MAN2C1: variants seen among roughly 807,000 people sequenced by gnomAD.
MAN2C1 encodes the protein mannosidase alpha class 2C member 1.
Under a neutral mutation model 126.9 loss-of-function variants are expected in MAN2C1, and 111 were observed. That is an observed-to-expected ratio of 0.87 (90% CI 0.75 to 1.02). The LOEUF (loss-of-function observed/expected upper bound fraction) is 1.02. MAN2C1 is among the 50% of genes least tolerant of loss of function. The probability of loss-of-function intolerance (pLI) is 0.00; values close to 1 mark genes in which losing one functional copy is unlikely to be tolerated. For missense variants in MAN2C1, 1,363 were observed against 1,364.4 expected (o/e 1.00, Z 0.02); for synonymous variants, 567 against 561.5 (o/e 1.01, Z -0.14).
At position 75,355,906 on chromosome 15, in the gene MAN2C1, TCA is replaced by T; in HGVS notation, c.3121_3122del (p.Ter1041SerfsTer23). 6.2e-7 allele frequency: 1 copy of T among 1,614,142 alleles called. No homozygotes were observed. Among genetic ancestry groups the T allele is most frequent in the Non-Finnish European group, 8.5e-7 (1 of 1,180,020 alleles). On this transcript the variant is annotated frameshift_variant and stop_lost, in exon 26 of 26. Transcript: ENST00000267978. LOFTEE classifies it high-confidence loss of function. ...LLLVLQPPPH[*>X] ...CAAACAAAACCCCAGCCCCAGGGAC[TCA>T]GTGTGGCGGAGGCTGAAGCACGAGC...
chr15:75,356,722 C>T lies in MAN2C1; in HGVS notation c.2658-37G>A, dbSNP rs779594132. On this transcript the variant is annotated intron_variant, in intron 22 of 25. Coordinates refer to ENST00000267978, the MANE Select transcript of MAN2C1 (RefSeq NM_006715.4). The surrounding 1 kb of genome is among the most constrained non-coding windows in gnomAD (Gnocchi z 5.8). ...AGGGCGCGTAGGGGCCACGCTGAAG[C>T]TGTTGGAGTTGTGGTCGGGAAGACC... 1 of 1,612,246 alleles carries T rather than the reference C, an allele frequency of 6.2e-7. No individual in the cohort carries two copies. The highest frequency in any genetic ancestry group is 8.5e-7 in the Non-Finnish European group (1 of 1,178,976).
At chr15:75,366,233 G>A (rs748650250) in intron 4 of MAN2C1, among the ~76,000 whole-genome samples, 1 of 152,222 alleles carries the variant, frequency 6.6e-6, no homozygotes, top group Non-Finnish European at 1.5e-5. Flanking sequence ...GTCTCACTCT[G>A]TTGCCCAGGC....
In MAN2C1 at chr15:75,361,168, G is replaced by A. The variant is rs764523201; in HGVS notation, c.1338C>T (p.Asn446=). ...VEEVLKTVAN[N]RDKGRANHSA... ...TGTGGTTGGCCCGCCCCTTGTCCCGGTTGTTGGCCACGGTCTTCAGCACCT... is the reference window on the plus strand; with the variant it reads ...TGTGGTTGGCCCGCCCCTTGTCCCGATTGTTGGCCACGGTCTTCAGCACCT... Residue 446 remains asparagine (N), a synonymous_variant, in exon 12 of 26, where the codon AAC becomes AAT. Coordinates refer to ENST00000267978, the MANE Select transcript of MAN2C1 (RefSeq NM_006715.4). This position sits in a 1 kb window ranked among gnomAD's most constrained non-coding sequence, Gnocchi z 5.0. 1 of 1,613,132 alleles carries A rather than the reference G, an allele frequency of 6.2e-7. No homozygotes were observed. Among genetic ancestry groups the A allele is most frequent in the Non-Finnish European group, 8.5e-7 (1 of 1,179,726 alleles).
rs758363056 is a variant in MAN2C1 at position 75,368,117 on chromosome 15, C to T, written c.183G>A (p.Gln61=). ...PERLPYQEAV[Q]RDFRPAQVGD... is the part of the protein sequence containing the mutation. ...CGACCTGCGCGGGGCGGAAGTCCCG[C>T]TGGACTGCCTCCTGGTAGGGAAGTC... The change falls in exon 2 of 26, where the codon CAG becomes CAA. Residue 61 remains glutamine, a synonymous_variant. Coordinates refer to ENST00000267978, the MANE Select transcript of MAN2C1 (RefSeq NM_006715.4). 1 of 1,606,994 alleles carries T rather than the reference C, an allele frequency of 6.2e-7. No individual in the cohort carries two copies. The highest frequency in any genetic ancestry group is 1.3e-5 in the African/African-American group (1 of 74,858).
chr15:75,368,155 G>GGAA lies in MAN2C1; in HGVS notation c.142_144dup (p.Phe48dup), dbSNP rs2072621908. 1 of 1,604,452 alleles carries GGAA rather than the reference G, an allele frequency of 6.2e-7. No individual in the cohort carries two copies. Among genetic ancestry groups the GGAA allele is most frequent in the Non-Finnish European group, 8.5e-7 (1 of 1,177,072 alleles). On this transcript the variant is annotated inframe_insertion, in exon 2 of 26. Transcript: ENST00000267978. ...TGGTAGGGAAGTCTCTCCGGCGTCA[G>GGAA]GAAGCTGGAGAGCACAGCCACAGGG...
At chr15:75,368,313 C>T in intron 1 of MAN2C1, 115 bp from the exon 2 acceptor site, 1 of 1,482,508 alleles carries the variant, frequency 6.7e-7, no homozygotes, top group Non-Finnish European at 9.0e-7. Context: ...GGCTGCCTGG[C>T]CGCTCCGCGG....
chr15:75,357,145 T>C (rs2072340185), intron 21 of MAN2C1: 2 of 519,220 alleles, frequency 3.9e-6, no homozygotes, highest in Admixed American at 3.5e-5. Context: ...AAATTAAATG[T>C]AAAACTTTGT....
In MAN2C1 at chr15:75,356,697, AGGGCGCGTAGGGG is replaced by A; in HGVS notation, c.2658-25_2658-13del. ...TAGGCGCCCGCAAGCTGGGGTGAGG[AGGGCGCGTAGGGG>A]CCACGCTGAAGCTGTTGGAGTTGTG... On this transcript the variant is annotated splice_polypyrimidine_tract_variant and intron_variant, in intron 22 of 25. Coordinates refer to ENST00000267978, the MANE Select transcript of MAN2C1 (RefSeq NM_006715.4). This position sits in a 1 kb window ranked among gnomAD's most constrained non-coding sequence, Gnocchi z 5.8. The A allele has an allele frequency of 6.2e-7, 1 of 1,604,418 alleles. No individual in the cohort carries two copies. Among genetic ancestry groups the A allele is most frequent in the Non-Finnish European group, 8.5e-7 (1 of 1,175,884 alleles).
In MAN2C1 at chr15:75,365,948, G is replaced by A. The variant is rs116617743; in HGVS notation, c.422+574C>T. On this transcript the variant is annotated intron_variant, in intron 4 of 25. Coordinates refer to ENST00000267978, the MANE Select transcript of MAN2C1 (RefSeq NM_006715.4). ...AAAAATAAAAAAAAAATAGCTGGAC[G>A]TGGTGGCACACACCTGTAATCCCTG... The A allele has an allele frequency of 3.2e-3, 1,393 of 432,278 alleles. 23 individuals are homozygous for A. The highest frequency in any genetic ancestry group is 0.026 in the African/African-American group (1,254 of 47,964). 26.8% of individuals were successfully genotyped at this position (432,278 alleles called of 1,614,324 possible). A position where few individuals can be genotyped will look rare whatever the true frequency, so the allele number is the denominator to read the frequency against.
At position 75,362,476 on chromosome 15, in the gene MAN2C1, T is replaced by A; in HGVS notation, c.898-23A>T. On this transcript the variant is annotated intron_variant, in intron 7 of 25. Coordinates refer to ENST00000267978, the MANE Select transcript of MAN2C1 (RefSeq NM_006715.4). The surrounding 1 kb of genome is among the most constrained non-coding windows in gnomAD (Gnocchi z 4.5). ...CGCCTGTGGGCAGGTTGAAGGGAGC[T>A]GGGACCAGAGTGACAAGGGCCCCAC... 6.3e-7 allele frequency: 1 copy of A among 1,587,302 alleles called. No homozygotes were observed. The highest frequency in any genetic ancestry group is 8.6e-7 in the Non-Finnish European group (1 of 1,166,038).
At chr15:75,365,799 A>C in intron 4 of MAN2C1, 1 of 251,888 alleles carries the variant, frequency 4.0e-6, no homozygotes, top group Non-Finnish European at 8.1e-6. Flanking sequence ...GAACATGAAT[A>C]CTGGGCCAGG....
At chr15:75,367,775 G>T in intron 2 of MAN2C1, 141 bp from the exon 3 acceptor site, 1 of 1,111,498 alleles carries the variant, frequency 9.0e-7, no homozygotes, top group South Asian at 1.6e-5. Flanking sequence ...CACAAGAAAG[G>T]AGCAACAAGG....
intron 5 of MAN2C1, 135 bp from the exon 6 acceptor site, chr15:75,364,323 C>T (rs2141337397): frequency 5.7e-6 from 7 of 1,237,530 alleles, no homozygotes; most frequent in South Asian, 4.8e-5. Flanking sequence ...TGCTCAGCAC[C>T]GTCTCCCTCC....
rs1420589785 is a variant in MAN2C1 at position 75,361,353 on chromosome 15, T to A, written c.1247A>T (p.Asp416Val). The stretch of plus-strand genomic sequence containing the variant: ...GAAGTGGACCAGTACACGGGAGCCA[T>A]CCAGGCCCTCCCAGAAAAATGTATG... Reference protein sequence around the residue: ...PHHTFFWEGLDGSRVLVHFPP... With the variant: ...PHHTFFWEGLVGSRVLVHFPP... The change falls in exon 11 of 26, where the codon GAT (aspartate) becomes GTT (valine). Residue 416 changes from aspartate (D) to valine (V), a missense_variant. This residue lies in a region of MAN2C1 where 628 missense variants were observed against 609.8 expected (regional missense o/e 1.03). Coordinates refer to ENST00000267978, the MANE Select transcript of MAN2C1 (RefSeq NM_006715.4). The surrounding 1 kb of genome is among the most constrained non-coding windows in gnomAD (Gnocchi z 5.0). 1 of 1,565,276 alleles carries A rather than the reference T, an allele frequency of 6.4e-7. No individual in the cohort carries two copies. Among genetic ancestry groups the A allele is most frequent in the Non-Finnish European group, 8.7e-7 (1 of 1,154,340 alleles).
Position 75,368,057 on chromosome 15 carries a change from G to T in MAN2C1, c.227+16C>A. The T allele has an allele frequency of 6.3e-7, 1 of 1,597,872 alleles. No homozygotes were observed. Among genetic ancestry groups the T allele is most frequent in the Non-Finnish European group, 8.5e-7 (1 of 1,174,238 alleles). ...CCTAGGCCTGTGGCCCCGCCCACCC[G>T]CTGGGCGTTACCTACGTGGGTCCGA... On this transcript the variant is annotated intron_variant, in intron 2 of 25. Transcript: ENST00000267978.
In MAN2C1 at chr15:75,361,137, A is replaced by T; in HGVS notation, c.1369T>A (p.Phe457Ile). 3 of 1,613,488 alleles carry T rather than the reference A, an allele frequency of 1.9e-6. No individual in the cohort carries two copies. The highest frequency in any genetic ancestry group is 2.5e-6 in the Non-Finnish European group (3 of 1,179,846). ...CCCCCATCCCCAAAGCCAAAGAGGA[A>T]GGCACTGTGGTTGGCCCGCCCCTTG... ...RDKGRANHSA[F>I]LFGFGDGGGG... Residue 457 changes from phenylalanine to isoleucine, a missense_variant, in exon 12 of 26, where the codon TTC becomes ATC. Around this residue, in one of 3 missense-constraint regions of MAN2C1, gnomAD observed 628 missense variants for 609.8 expected, o/e 1.03. Transcript: ENST00000267978. This position sits in a 1 kb window ranked among gnomAD's most constrained non-coding sequence, Gnocchi z 5.0.
Position 75,368,207 on chromosome 15 carries a change from G to A in MAN2C1, c.102-9C>T, listed in dbSNP as rs779533986. The A allele has an allele frequency of 6.9e-6, 11 of 1,598,934 alleles. No individual in the cohort carries two copies. The East Asian group carries it at 2.0e-4, about 30-fold the overall frequency. ...AGCTGGCCCCAAAAAGCCTGCGTGGGACGGGCCGGTGGGCACATGCTGGAG... is the reference window on the plus strand; with the variant it reads ...AGCTGGCCCCAAAAAGCCTGCGTGGAACGGGCCGGTGGGCACATGCTGGAG... On this transcript the variant is annotated splice_polypyrimidine_tract_variant and intron_variant, in intron 1 of 25. Transcript: ENST00000267978.
intron 18 of MAN2C1, 56 bp from the exon 19 acceptor site, chr15:75,358,864 G>C (rs941797078): frequency 6.1e-6 from 9 of 1,471,256 alleles, no homozygotes; most frequent in African/African-American, 1.4e-5. Flanking sequence ...GTCTCCAGCT[G>C]CTCTTGGTGG....
intron 4 of MAN2C1, 24 bp from the exon 5 acceptor site, chr15:75,364,689 C>A: frequency 1.3e-6 from 2 of 1,592,010 alleles, no homozygotes; most frequent in Non-Finnish European, 1.7e-6. Context: ...GAGACAGCCT[C>A]AGGCTAAGGG....
Sources: allele counts gnomAD v4.1 joint callset (sites outside exome capture counted in the v4.1 genomes callset), GRCh38; gene constraint gnomAD v4.1.1; regional missense constraint gnomAD v4.1.1; non-coding constraint Gnocchi (gnomAD v3.1); transcripts MANE v1.5; gene names NCBI Gene and HGNC (gene_info 2026-07-23, HGNC 2026-07-21).